Variants in TBC1D19 observed in about 807,000 individuals in gnomAD.
TBC1D19 encodes the protein TBC1 domain family member 19.
In TBC1D19, 60 loss-of-function variants were observed where a neutral mutation model predicts 89.0. That is an observed-to-expected ratio of 0.67 (90% CI 0.55 to 0.84). TBC1D19 has a LOEUF of 0.84. TBC1D19 is among the 40% of genes least tolerant of loss of function. TBC1D19 has a pLI of 0.00. For missense variants in TBC1D19, 500 were observed against 610.8 expected, an observed-to-expected ratio of 0.82 and a Z score of 1.91; for synonymous variants, 189 against 199.7, an observed-to-expected ratio of 0.95 and a Z score of 0.45.
chr4:26,790,061 G>A, the TBC1D19 span, among the ~76,000 whole-genome samples: 1 of 152,180 alleles, frequency 6.6e-6, no homozygotes, highest in Non-Finnish European at 1.5e-5. Flanking sequence ...GGTGAGGAAT[G>A]AGAAATTTCT....
At chr4:26,824,747 A>G in the TBC1D19 span, among the ~76,000 whole-genome samples, 620 of 151,988 alleles carry the variant, frequency 4.1e-3, 7 homozygotes, top group African/African-American at 0.014. Context: ...ATCTTTGCAC[A>G]TATTTCTGGA....
At chr4:26,579,858 A>G (rs1320442970), upstream of TBC1D19, among the ~76,000 whole-genome samples, 6 of 152,296 alleles carry the variant, frequency 3.9e-5, no homozygotes, top group East Asian at 1.2e-3. Flanking sequence ...AGATATTTGG[A>G]ATTGCAGCAG....
chr4:26,792,267 AAAAG>A, the TBC1D19 span, among the ~76,000 whole-genome samples: 8 of 152,198 alleles, frequency 5.3e-5, no homozygotes, highest in Admixed American at 2.6e-4. Context: ...ATTATTAAAA[AAAAG>A]AAGAGGTTTA....
chr4:26,849,380 G>C, the TBC1D19 span, among the ~76,000 whole-genome samples: 3 of 152,198 alleles, frequency 2.0e-5, no homozygotes, highest in African/African-American at 4.8e-5. Context: ...TATTACTTCT[G>C]ATTAGGATAT....
intron 13 of TBC1D19, among the ~76,000 whole-genome samples, chr4:26,704,912 A>G (rs994051365): frequency 2.0e-5 from 3 of 152,164 alleles, no homozygotes; most frequent in Non-Finnish European, 4.4e-5. Context: ...GTTACTCCAC[A>G]TCATCGCCAA....
chr4:26,586,666 A>T (rs1385478866), intron 1 of TBC1D19, among the ~76,000 whole-genome samples: 3 of 152,146 alleles, frequency 2.0e-5, no homozygotes, highest in African/African-American at 7.2e-5. Flanking sequence ...TTCAGCACAC[A>T]AATATTGCAT....
chr4:26,608,200 G>A (rs979821185), intron 1 of TBC1D19, among the ~76,000 whole-genome samples: 2 of 152,166 alleles, frequency 1.3e-5, no homozygotes, highest in East Asian at 1.9e-4. Context: ...ATTTGGGAGT[G>A]TGCTGAGATG....
Position 26,755,514 on chromosome 4 carries a change from T to C in TBC1D19, c.*567T>C, listed in dbSNP as rs1485889562. On this transcript the variant is annotated 3_prime_UTR_variant, in exon 21 of 21. Transcript: ENST00000264866. ...CAGGGATTTTCTACATTTCTCTCCA[T>C]TTTATTTCTCTCTTTAAACATCTCT... is the stretch of plus-strand genomic sequence containing the variant. 6.6e-6 allele frequency among the ~76,000 whole-genome samples: 1 copy of C among 152,158 alleles called. No homozygotes were observed. The highest frequency in any genetic ancestry group is 1.5e-5 in the Non-Finnish European group (1 of 67,998).
the TBC1D19 span, among the ~76,000 whole-genome samples, chr4:26,779,832 T>C: frequency 6.6e-6 from 1 of 152,226 alleles, no homozygotes; most frequent in Admixed American, 6.5e-5. Context: ...TTTACATATT[T>C]TTCCCTTGGC....
At chr4:26,857,887 AG>A in the TBC1D19 span, 2 of 152,324 alleles carry the variant, frequency 1.3e-5, no homozygotes, top group East Asian at 3.9e-4. Flanking sequence ...GCCTCTGTGC[AG>A]GGCGCGCCCA....
Position 26,722,741 on chromosome 4 carries a change from T to C in TBC1D19, c.1084+2616T>C, listed in dbSNP as rs1717059534. On this transcript the variant is annotated intron_variant, in intron 15 of 20. Coordinates refer to ENST00000264866, the MANE Select transcript of TBC1D19 (RefSeq NM_018317.4). Reference sequence around the variant, plus strand: ...GTTATAGCAGCAGCAGCAAACATTTTCCAAGCAGTACTATATCCCAGGCAA... The same window carrying C: ...GTTATAGCAGCAGCAGCAAACATTTCCCAAGCAGTACTATATCCCAGGCAA... Among the ~76,000 whole-genome samples the C allele has an allele frequency of 2.0e-5, 3 of 152,190 alleles. No homozygotes were observed. In the South Asian group the frequency reaches 6.2e-4, roughly 32 times the overall value.
chr4:26,838,070 TATA>T, the TBC1D19 span, among the ~76,000 whole-genome samples: 2 of 152,152 alleles, frequency 1.3e-5, no homozygotes, highest in African/African-American at 4.8e-5. Flanking sequence ...GTGGTTGAAT[TATA>T]AGAAACAAGG....
At chr4:26,739,128 T>C (rs189740253) in intron 16 of TBC1D19, among the ~76,000 whole-genome samples, 5 of 152,304 alleles carry the variant, frequency 3.3e-5, no homozygotes, top group African/African-American at 9.6e-5. Flanking sequence ...TTTGTCAGTG[T>C]AGAATAATCA....
At chr4:26,733,878 G>C (rs1199738380) in intron 15 of TBC1D19, among the ~76,000 whole-genome samples, 1 of 152,096 alleles carries the variant, frequency 6.6e-6, no homozygotes, top group Non-Finnish European at 1.5e-5. Flanking sequence ...AAAATGATTA[G>C]AGATTTTAGT....
At chr4:26,660,236 C>T (rs529586313) in intron 8 of TBC1D19, among the ~76,000 whole-genome samples, 1 of 152,224 alleles carries the variant, frequency 6.6e-6, no homozygotes, top group East Asian at 1.9e-4. Context: ...GAAATTATCA[C>T]TCCTTCTTTC....
chr4:26,743,461 C>G (rs1009337868), intron 18 of TBC1D19, among the ~76,000 whole-genome samples: 1 of 151,964 alleles, frequency 6.6e-6, no homozygotes, highest in Non-Finnish European at 1.5e-5. Context: ...TTTATCAAAG[C>G]CTCAATTTCT....
At chr4:26,685,280 C>G (rs879938443) in intron 12 of TBC1D19, among the ~76,000 whole-genome samples, 5 of 152,126 alleles carry the variant, frequency 3.3e-5, no homozygotes, top group African/African-American at 4.8e-5. Context: ...AAGAGGAAGC[C>G]CCAGTGCCAA....
chr4:26,623,386 T>C (rs1263434745), intron 4 of TBC1D19, among the ~76,000 whole-genome samples: 1 of 152,218 alleles, frequency 6.6e-6, no homozygotes, highest in Admixed American at 6.6e-5. Flanking sequence ...TTATTCATTG[T>C]CTGTCTTCCA....
intron 15 of TBC1D19, among the ~76,000 whole-genome samples, chr4:26,733,069 ATC>A (rs1717765598): frequency 6.6e-6 from 1 of 152,200 alleles, no homozygotes; most frequent in East Asian, 1.9e-4. Context: ...GAGAACATGA[ATC>A]TGTGTGCTAG....
Sources: gnomAD v4.1 joint callset for allele counts (sites outside exome capture counted in the v4.1 genomes callset) on GRCh38, gnomAD v4.1.1 for gene constraint, MANE v1.5 for transcripts, NCBI Gene and HGNC (gene_info 2026-07-23, HGNC 2026-07-21) for gene names.